Variants in ANKS1A observed in about 807,000 individuals in gnomAD.
ANKS1A encodes ankyrin repeat and SAM domain-containing protein 1A.
In ANKS1A, 55 loss-of-function variants were observed where a neutral mutation model predicts 120.3. The observed-to-expected ratio is 0.46, with a 90% CI of 0.37 to 0.57. ANKS1A has a LOEUF of 0.57. Ranked by LOEUF, ANKS1A falls within the 20% of genes least tolerant of loss-of-function variation. The pLI, the probability that ANKS1A is intolerant of heterozygous loss-of-function variation, is 0.00. For synonymous variants in ANKS1A, 590 were observed against 604.7 expected, an observed-to-expected ratio of 0.98 and a Z score of 0.36; for missense variants, 1,123 against 1,480.3, an observed-to-expected ratio of 0.76 and a Z score of 3.96.
downstream of ANKS1A, among the ~76,000 whole-genome samples, chr6:35,091,630 C>T (rs2127622127): frequency 6.6e-6 from 1 of 152,354 alleles, no homozygotes; most frequent in Admixed American, 6.5e-5. Context: ...TCACCTTCCC[C>T]TCCTTAGGAA....
chr6:35,024,457 T>C (rs1329665977), intron 11 of ANKS1A, among the ~76,000 whole-genome samples: 2 of 152,248 alleles, frequency 1.3e-5, no homozygotes, highest in East Asian at 3.8e-4. Context: ...AAAACTTGGC[T>C]AAAGGCTTAA....
chr6:35,063,997 C>T (rs562847625), intron 13 of ANKS1A, among the ~76,000 whole-genome samples: 35 of 152,306 alleles, frequency 2.3e-4, no homozygotes, highest in African/African-American at 7.9e-4. Flanking sequence ...GAAAGGCCTG[C>T]TGAGAGGGGC....
chr6:34,994,539 GTT>G, intron 10 of ANKS1A, 117 bp downstream of exon 10: 1 of 1,430,554 alleles, frequency 7.0e-7, no homozygotes, highest in Non-Finnish European at 9.5e-7. Context: ...TGGTGGTTGG[GTT>G]TCACGATGAT....
intron 13 of ANKS1A, among the ~76,000 whole-genome samples, chr6:35,074,578 A>C (rs1021641882): frequency 6.6e-6 from 1 of 152,172 alleles, no homozygotes; most frequent in Non-Finnish European, 1.5e-5. Context: ...TTAAAAAAAA[A>C]GTCTGGGAAG....
intron 1 of ANKS1A, among the ~76,000 whole-genome samples, chr6:34,918,883 G>C (rs558977262): frequency 6.6e-6 from 1 of 151,868 alleles, no homozygotes; most frequent in African/African-American, 2.4e-5. Flanking sequence ...ACAGGGTCTC[G>C]CTCTGTCACC....
At chr6:34,955,841 T>C (rs892897314) in intron 1 of ANKS1A, among the ~76,000 whole-genome samples, 2 of 152,260 alleles carry the variant, frequency 1.3e-5, no homozygotes, top group Non-Finnish European at 2.9e-5. Context: ...CTTTGTCTTA[T>C]GGCTTTCAGA....
chr6:35,096,136 C>G (rs944193650), downstream of ANKS1A, among the ~76,000 whole-genome samples: 4 of 152,056 alleles, frequency 2.6e-5, no homozygotes, highest in Non-Finnish European at 5.9e-5. Context: ...CTGACTGAGC[C>G]CTTTGTGCTC....
intron 11 of ANKS1A, among the ~76,000 whole-genome samples, chr6:35,048,629 C>G (rs1316720801): frequency 1.3e-5 from 2 of 152,162 alleles, no homozygotes; most frequent in South Asian, 4.1e-4. Flanking sequence ...GGCCAGTGAC[C>G]CTTTTTCAGA....
intron 3 of ANKS1A, 150 bp downstream of exon 3, chr6:34,970,316 C>T: frequency 1.2e-6 from 1 of 832,096 alleles, no homozygotes; most frequent in South Asian, 1.9e-5. Context: ...ATGGAACCAC[C>T]TCTTCCATAC....
chr6:35,049,173 C>T (rs1775857077), intron 11 of ANKS1A, among the ~76,000 whole-genome samples: 1 of 152,038 alleles, frequency 6.6e-6, no homozygotes, highest in Non-Finnish European at 1.5e-5. Context: ...CAACCTTGTG[C>T]CAGCAACTCA....
intron 13 of ANKS1A, among the ~76,000 whole-genome samples, chr6:35,071,806 G>A (rs974778964): frequency 2.0e-5 from 3 of 152,258 alleles, no homozygotes; most frequent in African/African-American, 7.2e-5. Context: ...GCCTCGTGGA[G>A]CCTTCCTGCG....
chr6:34,993,329 C>T (rs183058613), intron 9 of ANKS1A, among the ~76,000 whole-genome samples: 3 of 152,306 alleles, frequency 2.0e-5, no homozygotes, highest in Admixed American at 6.5e-5. Context: ...CAAGGGAAAG[C>T]GTGGCTACTC....
chr6:34,899,799 C>G (rs1211489692), intron 1 of ANKS1A, among the ~76,000 whole-genome samples: 1 of 152,254 alleles, frequency 6.6e-6, no homozygotes, highest in African/African-American at 2.4e-5. Flanking sequence ...CACTCTTCCT[C>G]TGATCCAGCC....
chr6:35,003,806 A>G (rs1773291950), intron 10 of ANKS1A, among the ~76,000 whole-genome samples: 2 of 152,234 alleles, frequency 1.3e-5, no homozygotes, highest in Non-Finnish European at 2.9e-5. Flanking sequence ...AAAAAGTGAG[A>G]GTCTCAAAGA....
intron 1 of ANKS1A, among the ~76,000 whole-genome samples, chr6:34,944,648 A>G (rs1332544381): frequency 3.9e-5 from 6 of 152,176 alleles, no homozygotes; most frequent in African/African-American, 1.2e-4. Context: ...AAATCTGTGC[A>G]TACCCAAGTT....
chr6:35,061,533 A>G (rs540188673), intron 13 of ANKS1A, among the ~76,000 whole-genome samples: 1 of 152,218 alleles, frequency 6.6e-6, no homozygotes, highest in African/African-American at 2.4e-5. Flanking sequence ...TGCCTCCTGA[A>G]TAGTGGCCTG....
chr6:35,090,327 G>A lies in ANKS1A; in HGVS notation c.*1718G>A, dbSNP rs1479584469. On this transcript the variant is annotated 3_prime_UTR_variant, in exon 24 of 24. Transcript: ENST00000360359. ...CCCTAAAGCATCCAGAGTAGACTGC[G>A]CTGCCACTGCGCACATGCTGGTGCC... is the stretch of plus-strand genomic sequence containing the variant. 1.0e-5 allele frequency: 13 copies of A among 1,285,310 alleles called. No individual in the cohort carries two copies. Among genetic ancestry groups the A allele is most frequent in the East Asian group, 1.1e-4 (2 of 17,940 alleles). The allele number at this position is 1,285,310 out of a possible 1,614,324, so 79.6% of individuals were successfully genotyped here. A position where few individuals can be genotyped will look rare whatever the true frequency, so the allele number is the denominator to read the frequency against.
chr6:35,089,683 G>T lies in ANKS1A; in HGVS notation c.*1074G>T. On this transcript the variant is annotated 3_prime_UTR_variant, in exon 24 of 24. Transcript: ENST00000360359. ...GATGCTCCCCCGCGTGGCCTTTGGG[G>T]CAGGCTGGCATCCCGGTGCGCCTCT... is the stretch of plus-strand genomic sequence containing the variant. 1 of 992,380 alleles carries T rather than the reference G, an allele frequency of 1.0e-6. No individual in the cohort carries two copies. Among genetic ancestry groups the T allele is most frequent in the Non-Finnish European group, 1.2e-6 (1 of 834,128 alleles). 61.5% of individuals were successfully genotyped at this position (992,380 alleles called of 1,614,324 possible).
At position 35,088,790 on chromosome 6, in the gene ANKS1A, G is replaced by C. The variant is rs1778139740; in HGVS notation, c.*181G>C. 1 of 1,518,052 alleles carries C rather than the reference G, an allele frequency of 6.6e-7. No homozygotes were observed. The highest frequency in any genetic ancestry group is 1.2e-5 in the South Asian group (1 of 80,454). 94.0% of individuals were successfully genotyped at this position (1,518,052 alleles called of 1,614,324 possible). A position where few individuals can be genotyped will look rare whatever the true frequency, so the allele number is the denominator to read the frequency against. Reference sequence around the variant, plus strand: ...CACCACGTCCTGCAGAACGAGCCCTGCCTTGGCTGTGGAGAAGCACTCCAG... The same window carrying C: ...CACCACGTCCTGCAGAACGAGCCCTCCCTTGGCTGTGGAGAAGCACTCCAG... On this transcript the variant is annotated 3_prime_UTR_variant, in exon 24 of 24. Coordinates refer to ENST00000360359, the MANE Select transcript of ANKS1A (RefSeq NM_015245.3).
Sources: gnomAD v4.1 joint callset for allele counts (sites outside exome capture counted in the v4.1 genomes callset) on GRCh38, gnomAD v4.1.1 for gene constraint, MANE v1.5 for transcripts, NCBI Gene and HGNC (gene_info 2026-07-23, HGNC 2026-07-21) for gene names.